UNC13C: variants seen among roughly 807,000 people sequenced by gnomAD.
UNC13C encodes unc-13 homolog C.
Under a neutral mutation model 245.4 loss-of-function variants are expected in UNC13C, and 174 were observed. The ratio of observed to expected loss-of-function variants is 0.71; its 90% CI spans 0.63 to 0.80. The LOEUF (loss-of-function observed/expected upper bound fraction) is 0.80, where lower values mean the gene tolerates loss of function less well. Among genes scored for constraint, UNC13C ranks in the 30% least tolerant of loss-of-function variants. The pLI, the probability that UNC13C is intolerant of heterozygous loss-of-function variation, is 0.00. For synonymous variants in UNC13C, 992 were observed against 895.1 expected (o/e 1.11, Z -1.93); for missense variants, 2,829 against 2,602.9 (o/e 1.09, Z -1.89).
chr15:54,575,770 C>T (rs1897935065), intron 30 of UNC13C, among the ~76,000 whole-genome samples: 1 of 152,228 alleles, frequency 6.6e-6, no homozygotes, highest in Non-Finnish European at 1.5e-5. Flanking sequence ...TCCTATCCAG[C>T]AGGTCTATGT....
chr15:53,893,873 G>A, the UNC13C span, among the ~76,000 whole-genome samples: 7 of 152,292 alleles, frequency 4.6e-5, no homozygotes, highest in East Asian at 1.9e-4. Flanking sequence ...GTTCCGTCTC[G>A]CTGACATTCG....
intron 31 of UNC13C, 47 bp downstream of exon 31, chr15:54,622,466 C>T: frequency 2.2e-6 from 3 of 1,357,564 alleles, no homozygotes; most frequent in Non-Finnish European, 3.2e-6. Context: ...TAAACTTCTG[C>T]AGCAGTACTG....
intron 31 of UNC13C, 69 bp from the exon 32 acceptor site, chr15:54,623,726 C>A (rs562140766): frequency 1.2e-4 from 171 of 1,454,718 alleles, no homozygotes; most frequent in Non-Finnish European, 1.5e-4. Flanking sequence ...CTTCATAAAT[C>A]ACTTTTAAAA....
rs143995231 is a variant in UNC13C, at chr15:54,362,798, C to A, written c.4713+24309C>A. ...AGGGAAAGTTAAAATGTGGAAAATGCTCTGAGAGAAAAAAAGGTGTTCTAC... is the reference window on the plus strand; with the variant it reads ...AGGGAAAGTTAAAATGTGGAAAATGATCTGAGAGAAAAAAAGGTGTTCTAC... On this transcript the variant is annotated intron_variant, in intron 17 of 32. Transcript: ENST00000260323. Among the ~76,000 whole-genome samples the A allele has an allele frequency of 1.4e-4, 22 of 152,126 alleles. No individual in the cohort carries two copies. In the East Asian group the frequency reaches 3.5e-3, roughly 24 times the overall value.
chr15:54,150,329 G>A (rs1011593117), intron 4 of UNC13C, among the ~76,000 whole-genome samples: 10 of 152,162 alleles, frequency 6.6e-5, no homozygotes, highest in African/African-American at 2.4e-4. Context: ...ATGCCACAAG[G>A]CAGTTACAGC....
At chr15:53,938,682 G>T in the UNC13C span, among the ~76,000 whole-genome samples, 1 of 152,086 alleles carries the variant, frequency 6.6e-6, no homozygotes, top group Non-Finnish European at 1.5e-5. Flanking sequence ...AATCAAAATA[G>T]AACTCCAGAT....
At chr15:54,302,439 C>G (rs1361696547) in intron 13 of UNC13C, among the ~76,000 whole-genome samples, 1 of 152,136 alleles carries the variant, frequency 6.6e-6, no homozygotes, top group Non-Finnish European at 1.5e-5. Context: ...ACATTTAAGT[C>G]TTTAATCCAT....
In UNC13C at chr15:54,014,266, G is replaced by C. The variant is rs1242947734; in HGVS notation, c.1363G>C (p.Asp455His). The change falls in exon 2 of 33, where the codon GAT (aspartate) becomes CAT (histidine). Residue 455 changes from aspartate to histidine, a missense_variant. Coordinates refer to ENST00000260323, the MANE Select transcript of UNC13C (RefSeq NM_001080534.3). ...NWQSPDDSDE[D>H]LESDLNRNSY... is the part of the protein sequence containing the mutation. ...GCAGTCACCTGATGACAGTGATGAA[G>C]ATCTTGAATCTGACCTCAATAGAAA... 14 of 1,613,756 alleles carry C rather than the reference G, an allele frequency of 8.7e-6. No homozygotes were observed. Among genetic ancestry groups the C allele is most frequent in the Non-Finnish European group, 1.2e-5 (14 of 1,179,844 alleles).
chr15:54,223,028 C>G (rs890666346), intron 4 of UNC13C, among the ~76,000 whole-genome samples: 1 of 152,052 alleles, frequency 6.6e-6, no homozygotes, highest in African/African-American at 2.4e-5. Flanking sequence ...CAAATATTTT[C>G]TCCCATTATG....
At chr15:54,148,804 T>G (rs1350078028) in intron 4 of UNC13C, among the ~76,000 whole-genome samples, 1 of 152,228 alleles carries the variant, frequency 6.6e-6, no homozygotes, top group Non-Finnish European at 1.5e-5. Context: ...CCCTTTCTTC[T>G]GAGTCAGTGG....
intron 8 of UNC13C, among the ~76,000 whole-genome samples, chr15:54,260,626 C>A (rs2036399190): frequency 6.8e-6 from 1 of 147,420 alleles, no homozygotes; most frequent in Non-Finnish European, 1.5e-5. Flanking sequence ...TATATACATA[C>A]ACACACCTGT....
In UNC13C at chr15:54,250,308, G is replaced by A. The variant is rs764967388; in HGVS notation, c.3312G>A (p.Thr1104=). 7 of 1,613,872 alleles carry A rather than the reference G, an allele frequency of 4.3e-6. No homozygotes were observed. Among genetic ancestry groups the A allele is most frequent in the Admixed American group, 3.3e-5 (2 of 59,988 alleles). Residue 1104 remains threonine, a synonymous_variant, in exon 8 of 33, where the codon ACG becomes ACA. Transcript: ENST00000260323. The part of the protein sequence containing the change: ...STIPHNFEVW[T]ATTPTYCYEC... ...TCCCACACAATTTTGAGGTCTGGAC[G>A]GCTACCACACCCACCTACTGTTATG... is the stretch of plus-strand genomic sequence containing the variant.
intron 19 of UNC13C, among the ~76,000 whole-genome samples, chr15:54,418,570 C>T (rs1038955128): frequency 2.6e-5 from 4 of 152,036 alleles, no homozygotes; most frequent in African/African-American, 9.7e-5. Flanking sequence ...AGATTAGACA[C>T]ACTAAAGCAT....
the UNC13C span, among the ~76,000 whole-genome samples, chr15:53,897,540 A>G: frequency 6.6e-6 from 1 of 152,222 alleles, no homozygotes. Context: ...TCAGCCTCCC[A>G]AATAGCCAGT....
chr15:53,926,991 T>G, the UNC13C span, among the ~76,000 whole-genome samples: 1 of 152,336 alleles, frequency 6.6e-6, no homozygotes, highest in East Asian at 1.9e-4. Context: ...AAAAAGGTCT[T>G]AAGCAGATAG....
chr15:54,617,063 A>G lies in UNC13C; in HGVS notation c.6107-5264A>G, dbSNP rs117375152. Among the ~76,000 whole-genome samples, 27 of 152,228 alleles carry G rather than the reference A, an allele frequency of 1.8e-4. No homozygotes were observed. The East Asian group carries it at 3.5e-3, about 20-fold the overall frequency. On this transcript the variant is annotated intron_variant, in intron 30 of 32. Coordinates refer to ENST00000260323, the MANE Select transcript of UNC13C (RefSeq NM_001080534.3). Reference sequence around the variant, plus strand: ...CTACCACTTAGAAGTGTCATAGGCTATACCACCTAGGTTTGTGTAAGTACA... The same window carrying G: ...CTACCACTTAGAAGTGTCATAGGCTGTACCACCTAGGTTTGTGTAAGTACA...
In UNC13C at chr15:54,500,818, A is replaced by C. The variant is rs751151120; in HGVS notation, c.5158-17A>C. On this transcript the variant is annotated splice_polypyrimidine_tract_variant and intron_variant, in intron 21 of 32. Transcript: ENST00000260323. ...CTAATGTACTGTTTGGGATGGTTTCACCTCCTCTCCCCACAGTTCCAGCAG... is the reference window on the plus strand; with the variant it reads ...CTAATGTACTGTTTGGGATGGTTTCCCCTCCTCTCCCCACAGTTCCAGCAG... 3.1e-6 allele frequency: 5 copies of C among 1,610,912 alleles called. No individual in the cohort carries two copies. The highest frequency in any genetic ancestry group is 3.4e-6 in the Non-Finnish European group (4 of 1,178,442).
At position 54,130,646 on chromosome 15, in the gene UNC13C, G is replaced by C. The variant is rs1015490474; in HGVS notation, c.2984-12372G>C. Among the ~76,000 whole-genome samples the C allele has an allele frequency of 2.0e-5, 3 of 151,912 alleles. No individual in the cohort carries two copies. In the East Asian group the frequency reaches 5.8e-4, roughly 29 times the overall value. ...GAAAAGAATAAATATATTTCTGTTT[G>C]GTATGAATTCTGAACCTACATCTGT... On this transcript the variant is annotated intron_variant, in intron 2 of 32. Transcript: ENST00000260323.
chr15:54,010,043 C>T (rs1895314258), intron 1 of UNC13C, among the ~76,000 whole-genome samples: 1 of 152,206 alleles, frequency 6.6e-6, no homozygotes, highest in Non-Finnish European at 1.5e-5. Flanking sequence ...TTGCACATGA[C>T]ATGAATGTCT....
Sources: gnomAD v4.1 joint callset for allele counts (sites outside exome capture counted in the v4.1 genomes callset) on GRCh38, gnomAD v4.1.1 for gene constraint, MANE v1.5 for transcripts, NCBI Gene and HGNC (gene_info 2026-07-23, HGNC 2026-07-21) for gene names.